The following LRRC4C variants were observed in gnomAD, a reference collection of about 807,000 sequenced individuals.
The protein encoded by LRRC4C is leucine rich repeat containing 4C, also known as leucine-rich repeat-containing protein 4C.
LRRC4C carries 5 observed loss-of-function variants against 33.6 expected under a neutral mutation model. That is an observed-to-expected ratio of 0.15 (90% CI 0.08 to 0.31). The LOEUF is 0.31. LRRC4C is among the 10% of genes least tolerant of loss of function. LRRC4C has a pLI of 1.00. For missense variants in LRRC4C, 560 were observed against 796.7 expected (o/e 0.70, Z 3.58); for synonymous variants, 329 against 302.0 (o/e 1.09, Z -0.93).
chr11:40,665,866 G>T (rs1212722515), intron 2 of LRRC4C, among the ~76,000 whole-genome samples: 2 of 151,878 alleles, frequency 1.3e-5, no homozygotes, highest in East Asian at 3.9e-4. Context: ...TTACCTATAA[G>T]AAATAGAATT....
intron 1 of LRRC4C, among the ~76,000 whole-genome samples, chr11:41,237,178 TAA>T (rs1948061346): frequency 6.6e-6 from 1 of 152,208 alleles, no homozygotes; most frequent in Admixed American, 6.5e-5. Flanking sequence ...ATCAGCATTA[TAA>T]AAAATAGAGA....
chr11:40,797,243 G>T (rs1256449548), intron 2 of LRRC4C, among the ~76,000 whole-genome samples: 1 of 152,036 alleles, frequency 6.6e-6, no homozygotes, highest in Admixed American at 6.6e-5. Flanking sequence ...CTCTGATTGG[G>T]ATATAAAAAT....
chr11:40,317,685 A>G (rs1013929739), intron 4 of LRRC4C, among the ~76,000 whole-genome samples: 2 of 152,042 alleles, frequency 1.3e-5, no homozygotes, highest in Non-Finnish European at 2.9e-5. Flanking sequence ...TACTATATTA[A>G]CTTTACTTCC....
chr11:40,468,772 G>T (rs1227682726), intron 3 of LRRC4C, among the ~76,000 whole-genome samples: 1 of 151,952 alleles, frequency 6.6e-6, no homozygotes, highest in Non-Finnish European at 1.5e-5. Context: ...TTACAAAAAA[G>T]GAAGCTGAAA....
intron 2 of LRRC4C, among the ~76,000 whole-genome samples, chr11:40,925,088 T>C (rs1957359606): frequency 6.6e-6 from 1 of 152,020 alleles, no homozygotes; most frequent in South Asian, 2.1e-4. Context: ...TATTTGAGGA[T>C]TTAGTGACCA....
chr11:40,717,771 G>T (rs1170797013), intron 2 of LRRC4C, among the ~76,000 whole-genome samples: 1 of 152,006 alleles, frequency 6.6e-6, no homozygotes, highest in Admixed American at 6.6e-5. Context: ...AATAGCAGGG[G>T]GAATATTAAA....
At chr11:41,328,964 T>C (rs1439810433) in intron 1 of LRRC4C, among the ~76,000 whole-genome samples, 1 of 152,214 alleles carries the variant, frequency 6.6e-6, no homozygotes, top group East Asian at 1.9e-4. Flanking sequence ...AAGATGTGAA[T>C]TGAGGTTTGC....
chr11:41,129,204 C>T (rs1942896108), intron 1 of LRRC4C, among the ~76,000 whole-genome samples: 1 of 151,744 alleles, frequency 6.6e-6, no homozygotes, highest in Non-Finnish European at 1.5e-5. Flanking sequence ...ATAATTAGGT[C>T]TCTCGTTCTT....
At chr11:40,183,576 T>C (rs138107460) in intron 5 of LRRC4C, among the ~76,000 whole-genome samples, 6 of 152,334 alleles carry the variant, frequency 3.9e-5, no homozygotes, top group East Asian at 1.9e-4. Flanking sequence ...TTGCAGTTTA[T>C]GGACTGGAAA....
intron 5 of LRRC4C, among the ~76,000 whole-genome samples, chr11:40,222,786 G>T (rs967259250): frequency 2.0e-5 from 3 of 152,146 alleles, no homozygotes; most frequent in African/African-American, 7.2e-5. Flanking sequence ...CAAGCACCAT[G>T]CAGGCTTAGA....
intron 4 of LRRC4C, among the ~76,000 whole-genome samples, chr11:40,289,505 G>A (rs1590921150): frequency 6.6e-6 from 1 of 152,068 alleles, no homozygotes; most frequent in African/African-American, 2.4e-5. Context: ...TAGGGTCCTC[G>A]GCAGATTCTG....
At chr11:40,777,783 G>C (rs1223209267) in intron 2 of LRRC4C, among the ~76,000 whole-genome samples, 2 of 151,828 alleles carry the variant, frequency 1.3e-5, no homozygotes, top group Non-Finnish European at 2.9e-5. Flanking sequence ...CGCCTCCCGA[G>C]TTCACGCCAT....
chr11:40,346,535 A>G (rs1163724173), intron 3 of LRRC4C, among the ~76,000 whole-genome samples: 1 of 152,150 alleles, frequency 6.6e-6, no homozygotes, highest in Non-Finnish European at 1.5e-5. Context: ...AACAACAGAC[A>G]CCGAGGCCTA....
chr11:40,115,351 C>A lies in LRRC4C; in HGVS notation c.942G>T (p.Trp314Cys). Residue 314 changes from tryptophan (W) to cysteine (C), a missense_variant, in exon 7 of 7, where the codon TGG (tryptophan) becomes TGT (cysteine). Coordinates refer to ENST00000528697, the MANE Select transcript of LRRC4C (RefSeq NM_001258419.2). The surrounding 1 kb of genome is among the most constrained non-coding windows in gnomAD (Gnocchi z 6.7). ...NCNCDILWLSWWIKDMAPSNT... is the reference protein window; with the variant it reads ...NCNCDILWLSCWIKDMAPSNT... ...TCGAGGGGGCCATGTCTTTTATCCA[C>A]CAGCTGAGCCACAGTATGTCACAGT... 1 of 1,614,170 alleles carries A rather than the reference C, an allele frequency of 6.2e-7. No homozygotes were observed. Among genetic ancestry groups the A allele is most frequent in the Non-Finnish European group, 8.5e-7 (1 of 1,180,040 alleles).
intron 6 of LRRC4C, 80 bp from the exon 7 acceptor site, chr11:40,116,414 A>T: frequency 7.1e-7 from 1 of 1,403,192 alleles, no homozygotes; most frequent in South Asian, 1.5e-5. Flanking sequence ...TCGGTGATAT[A>T]GTGTATCAGC....
chr11:41,225,719 GTTAAC>G (rs1437687085), intron 1 of LRRC4C, among the ~76,000 whole-genome samples: 1 of 151,862 alleles, frequency 6.6e-6, no homozygotes, highest in Non-Finnish European at 1.5e-5. Flanking sequence ...TCTTTTTTCA[GTTAAC>G]TTAAATATAG....
intron 5 of LRRC4C, among the ~76,000 whole-genome samples, chr11:40,190,708 C>T (rs1265709234): frequency 6.6e-6 from 1 of 151,962 alleles, no homozygotes; most frequent in Non-Finnish European, 1.5e-5. Context: ...AATGATTTTA[C>T]CTGAGGATGC....
chr11:40,905,580 C>A (rs1408692692), intron 2 of LRRC4C, among the ~76,000 whole-genome samples: 1 of 152,172 alleles, frequency 6.6e-6, no homozygotes, highest in East Asian at 1.9e-4. Flanking sequence ...TCCACTGCTG[C>A]TAAAATATTA....
chr11:40,861,758 C>T (rs1288274768), intron 2 of LRRC4C, among the ~76,000 whole-genome samples: 1 of 152,142 alleles, frequency 6.6e-6, no homozygotes, highest in Non-Finnish European at 1.5e-5. Context: ...ATGCATGGTG[C>T]CAACATCTGT....
Sources: allele counts gnomAD v4.1 joint callset (sites outside exome capture counted in the v4.1 genomes callset), GRCh38; gene constraint gnomAD v4.1.1; non-coding constraint Gnocchi (gnomAD v3.1); transcripts MANE v1.5; gene names NCBI Gene and HGNC (gene_info 2026-07-23, HGNC 2026-07-21).